The following SLC7A9 variants were observed in gnomAD, a reference collection of about 807,000 sequenced individuals.
SLC7A9 encodes the protein solute carrier family 7 member 9.
SLC7A9 carries 38 observed loss-of-function variants against 54.1 expected under a neutral mutation model. That is an observed-to-expected ratio of 0.70 (90% confidence interval 0.54 to 0.92). The LOEUF is 0.92. Ranked by LOEUF, SLC7A9 falls within the 40% of genes least tolerant of loss-of-function variation. The pLI, the probability that SLC7A9 is intolerant of heterozygous loss-of-function variation, is 0.00. For missense variants in SLC7A9, 537 were observed against 636.1 expected, an observed-to-expected ratio of 0.84 and a Z score of 1.68; for synonymous variants, 264 against 258.9, an observed-to-expected ratio of 1.02 and a Z score of -0.19.
chr19:32,834,061 C>T (rs2145795386), intron 11 of SLC7A9, among the ~76,000 whole-genome samples: 1 of 152,198 alleles, frequency 6.6e-6, no homozygotes, highest in Non-Finnish European at 1.5e-5. Flanking sequence ...AAAGGCAACT[C>T]CAGCCTGTGG....
At chr19:32,859,171 C>T (rs1599679919) in intron 8 of SLC7A9, among the ~76,000 whole-genome samples, 1 of 152,098 alleles carries the variant, frequency 6.6e-6, no homozygotes, top group South Asian at 2.1e-4. Flanking sequence ...GTGATCACGT[C>T]TCACTGTAGC....
rs2145809604 is a variant in SLC7A9 at position 32,842,324 on chromosome 19, GA to G, written c.1075-8del. 1 of 1,611,970 alleles carries G rather than the reference GA, an allele frequency of 6.2e-7. No individual in the cohort carries two copies. The highest frequency in any genetic ancestry group is 1.7e-5 in the Admixed American group (1 of 60,008). Reference sequence around the variant, plus strand: ...AAATCGTTGCTATGATACCCTAATAGAAAGAAGAATGGATTTGTAGGTCATT... The same window carrying G: ...AAATCGTTGCTATGATACCCTAATAGAAGAAGAATGGATTTGTAGGTCATT... On this transcript the variant is annotated splice_polypyrimidine_tract_variant and splice_region_variant and intron_variant, in intron 10 of 12. Coordinates refer to ENST00000023064, the MANE Select transcript of SLC7A9 (RefSeq NM_014270.5).
intron 7 of SLC7A9, 94 bp from the exon 8 acceptor site, chr19:32,860,058 C>A: frequency 1.9e-6 from 3 of 1,607,318 alleles, no homozygotes; most frequent in Non-Finnish European, 2.5e-6. Flanking sequence ...GGAGAAGATT[C>A]GCAGGTAGCA....
intron 6 of SLC7A9, among the ~76,000 whole-genome samples, chr19:32,861,364 A>C (rs528575122): frequency 4.3e-4 from 66 of 152,040 alleles, no homozygotes; most frequent in African/African-American, 1.6e-3. Flanking sequence ...CAAAAACAGA[A>C]TCTCATCCAC....
At chr19:32,838,800 CAT>C (rs891416638) in intron 11 of SLC7A9, among the ~76,000 whole-genome samples, 1 of 145,388 alleles carries the variant, frequency 6.9e-6, no homozygotes, top group African/African-American at 2.5e-5. Context: ...CAAATATATA[CAT>C]ATATATCTAT....
chr19:32,864,826 C>T, intron 2 of SLC7A9, 50 bp from the exon 3 acceptor site: 3 of 1,612,590 alleles, frequency 1.9e-6, no homozygotes, highest in Non-Finnish European at 2.5e-6. Flanking sequence ...CGGACCCAGC[C>T]CAGAAGGCCA....
chr19:32,842,383 C>A lies in SLC7A9; in HGVS notation c.1075-66G>T, dbSNP rs1039991526. On this transcript the variant is annotated intron_variant, in intron 10 of 12. Coordinates refer to ENST00000023064, the MANE Select transcript of SLC7A9 (RefSeq NM_014270.5). ...AACACTGTTCTCATGTCACAGAAGA[C>A]CGAAGAAGCAGTTTTTCTTGTGAAT... 4.0e-6 allele frequency: 6 copies of A among 1,495,238 alleles called. No homozygotes were observed. The Admixed American group carries it at 1.0e-4, about 25-fold the overall frequency. The allele number at this position is 1,495,238 out of a possible 1,614,324, so 92.6% of individuals were successfully genotyped here.
At chr19:32,844,566 T>A (rs903934163) in intron 9 of SLC7A9, among the ~76,000 whole-genome samples, 2 of 152,122 alleles carry the variant, frequency 1.3e-5, no homozygotes, top group Non-Finnish European at 2.9e-5. Flanking sequence ...GCACAGTGGC[T>A]CACACCTGTA....
At chr19:32,859,322 C>CA (rs1464620359) in intron 8 of SLC7A9, among the ~76,000 whole-genome samples, 2 of 151,956 alleles carry the variant, frequency 1.3e-5, no homozygotes, top group Non-Finnish European at 2.9e-5. Flanking sequence ...CCTGAACCCC[C>CA]ACTCCAACCG....
chr19:32,855,391 C>T (rs1454636519), intron 9 of SLC7A9, among the ~76,000 whole-genome samples: 1 of 152,064 alleles, frequency 6.6e-6, no homozygotes, highest in Admixed American at 6.6e-5. Flanking sequence ...CCAGTGATCG[C>T]CAGTCCCTCA....
chr19:32,831,260 A>G (rs1458725210), intron 12 of SLC7A9: 1 of 156,818 alleles, frequency 6.4e-6, no homozygotes, highest in African/African-American at 2.4e-5. Flanking sequence ...TGTAAAGGAT[A>G]AAACATTGTG....
At chr19:32,848,790 C>T (rs887328724) in intron 9 of SLC7A9, among the ~76,000 whole-genome samples, 2 of 152,090 alleles carry the variant, frequency 1.3e-5, no homozygotes, top group African/African-American at 2.4e-5. Context: ...GGAAGTAAAG[C>T]ACTCCTCAGC....
rs1446396156 is a variant in SLC7A9 at position 32,840,228 on chromosome 19, A to G, written c.1224+1940T>C. 2.0e-5 allele frequency among the ~76,000 whole-genome samples: 3 copies of G among 151,916 alleles called. No individual in the cohort carries two copies. The East Asian group carries it at 5.8e-4, about 29-fold the overall frequency. On this transcript the variant is annotated intron_variant, in intron 11 of 12. Transcript: ENST00000023064. ...CTCTCTGTTGCCCAGGCTGGAGTGCAGTGGCACGATCTTGGCTCACTGCAG... is the reference window on the plus strand; with the variant it reads ...CTCTCTGTTGCCCAGGCTGGAGTGCGGTGGCACGATCTTGGCTCACTGCAG...
At chr19:32,867,929 CAAAAAAA>C (rs57446079) in intron 2 of SLC7A9, among the ~76,000 whole-genome samples, 12,110 of 66,496 alleles carry the variant, frequency 0.18, 846 homozygotes, top group African/African-American at 0.31. Context: ...GACTCTGTCT[CAAAAAAA>C]AAAAAAAAAA....
In SLC7A9 at chr19:32,842,322, TAGAA is replaced by T. The variant is rs760780907; in HGVS notation, c.1075-9_1075-6del. 6.4e-5 allele frequency: 103 copies of T among 1,612,462 alleles called. 2 individuals are homozygous for T. In the South Asian group the frequency reaches 9.3e-4, roughly 15 times the overall value. ...ATAAATCGTTGCTATGATACCCTAA[TAGAA>T]AGAAGAATGGATTTGTAGGTCATTA... On this transcript the variant is annotated splice_polypyrimidine_tract_variant and splice_region_variant and intron_variant, in intron 10 of 12. Coordinates refer to ENST00000023064, the MANE Select transcript of SLC7A9 (RefSeq NM_014270.5).
intron 9 of SLC7A9, among the ~76,000 whole-genome samples, chr19:32,844,571 C>T (rs541032837): frequency 3.0e-4 from 46 of 152,274 alleles, no homozygotes; most frequent in Middle Eastern, 3.4e-3. Context: ...GTGGCTCACA[C>T]CTGTAATCCC....
At chr19:32,866,694 CAG>C (rs1410826152) in intron 2 of SLC7A9, among the ~76,000 whole-genome samples, 1 of 152,202 alleles carries the variant, frequency 6.6e-6, no homozygotes, top group Non-Finnish European at 1.5e-5. Context: ...CTGAGACTGG[CAG>C]AGAGGGAAAG....
chr19:32,844,018 C>G (rs1968207410), intron 9 of SLC7A9, 67 bp from the exon 10 acceptor site: 2 of 1,253,526 alleles, frequency 1.6e-6, no homozygotes, highest in African/African-American at 2.9e-5. Flanking sequence ...CCACTGAGGA[C>G]TTGTGCTCCG....
At chr19:32,865,313 T>C (rs1968936162) in intron 2 of SLC7A9, among the ~76,000 whole-genome samples, 1 of 152,320 alleles carries the variant, frequency 6.6e-6, no homozygotes, top group Non-Finnish European at 1.5e-5. Flanking sequence ...TTTATTTACT[T>C]ATTTATTTAG....
Sources: gnomAD v4.1 joint callset for allele counts (sites outside exome capture counted in the v4.1 genomes callset) on GRCh38, gnomAD v4.1.1 for gene constraint, MANE v1.5 for transcripts, NCBI Gene and HGNC (gene_info 2026-07-23, HGNC 2026-07-21) for gene names.